Variants in NAV2 observed in about 807,000 individuals in gnomAD.
The protein encoded by NAV2 is helicase, APC down-regulated 1.
In NAV2, 54 loss-of-function variants were observed where a neutral mutation model predicts 223.2. The observed-to-expected ratio is 0.24, with a 90% confidence interval of 0.19 to 0.30. The LOEUF (loss-of-function observed/expected upper bound fraction) is 0.30. NAV2 is among the 10% of genes least tolerant of loss of function. NAV2 has a pLI of 1.00. For synonymous variants in NAV2, 1,279 were observed against 1,239.3 expected (o/e 1.03, Z -0.67); for missense variants, 2,806 against 3,147.5 (o/e 0.89, Z 2.60).
At chr11:19,772,399 C>T (rs2055785546) in intron 1 of NAV2, among the ~76,000 whole-genome samples, 1 of 152,238 alleles carries the variant, frequency 6.6e-6, no homozygotes, top group Non-Finnish European at 1.5e-5. Flanking sequence ...CACTCTCCAT[C>T]TCTGAGCCTT....
intron 11 of NAV2, among the ~76,000 whole-genome samples, chr11:20,002,212 A>G (rs1364883025): frequency 1.3e-5 from 2 of 152,090 alleles, no homozygotes; most frequent in African/African-American, 4.8e-5. Context: ...TCTAAACACT[A>G]TCGCATTGGG....
intron 1 of NAV2, among the ~76,000 whole-genome samples, chr11:19,508,134 C>T (rs1316275989): frequency 2.6e-5 from 4 of 152,094 alleles, no homozygotes; most frequent in Non-Finnish European, 4.4e-5. Context: ...TTAATAAGCA[C>T]ATGCTGATGG....
chr11:19,876,892 T>G (rs909208798), intron 4 of NAV2, among the ~76,000 whole-genome samples: 5 of 149,392 alleles, frequency 3.3e-5, no homozygotes, highest in African/African-American at 9.8e-5. Context: ...ATTTTACTTA[T>G]TTATTTATTT....
At chr11:19,345,909 C>A (rs538371880), upstream of NAV2, among the ~76,000 whole-genome samples, 1 of 152,158 alleles carries the variant, frequency 6.6e-6, no homozygotes, top group Admixed American at 6.5e-5. This position sits in a 1 kb window ranked among gnomAD's most constrained non-coding sequence, Gnocchi z 5.2. Context: ...TGTATCCCCG[C>A]GTCTGGGTCC....
rs1040367562 is a variant in NAV2 at position 19,743,801 on chromosome 11, G to A, written c.267+29839G>A. 2.6e-5 allele frequency among the ~76,000 whole-genome samples: 4 copies of A among 152,242 alleles called. No homozygotes were observed. In the East Asian group the frequency reaches 5.8e-4, roughly 22 times the overall value. On this transcript the variant is annotated intron_variant, in intron 1 of 37. Transcript: ENST00000349880. ...CATCCCGGCAGCTTCTCACTGTCCT[G>A]CCCAGGCAGCTGTCTGGACTGGTCC...
chr11:19,988,302 G>T (rs1591550694), intron 11 of NAV2, among the ~76,000 whole-genome samples: 1 of 152,302 alleles, frequency 6.6e-6, no homozygotes, highest in East Asian at 1.9e-4. Flanking sequence ...ATCAGGCTTG[G>T]TGTGACATTA....
intron 11 of NAV2, chr11:20,027,255 A>C (rs2055182979): frequency 1.0e-6 from 1 of 984,846 alleles, no homozygotes; most frequent in African/African-American, 1.7e-5. Context: ...CTAAGCCTAC[A>C]GTTAGGCTTG....
chr11:19,508,856 G>A (rs1192066312), intron 1 of NAV2, among the ~76,000 whole-genome samples: 1 of 152,146 alleles, frequency 6.6e-6, no homozygotes, highest in Non-Finnish European at 1.5e-5. Context: ...CTGCCCTGGG[G>A]GAAAAGCTTA....
chr11:20,071,665 T>A (rs977312435), intron 22 of NAV2, among the ~76,000 whole-genome samples: 3 of 147,942 alleles, frequency 2.0e-5, no homozygotes, highest in Admixed American at 2.0e-4. Context: ...CTAACTGACA[T>A]GAGATGGTAT....
intron 1 of NAV2, among the ~76,000 whole-genome samples, chr11:19,532,573 C>T (rs148656142): frequency 5.3e-5 from 8 of 152,232 alleles, no homozygotes; most frequent in Admixed American, 3.3e-4. Flanking sequence ...TCATCATAAA[C>T]GGCCATGTAT....
At chr11:19,404,565 G>A (rs1015021393) in intron 1 of NAV2, among the ~76,000 whole-genome samples, 37 of 107,560 alleles carry the variant, frequency 3.4e-4, no homozygotes, top group African/African-American at 1.1e-3. Flanking sequence ...TTTAACCCTA[G>A]GTTCTGAATA....
intron 1 of NAV2, among the ~76,000 whole-genome samples, chr11:19,446,293 G>A (rs1383635881): frequency 6.6e-6 from 1 of 152,092 alleles, no homozygotes; most frequent in African/African-American, 2.4e-5. Context: ...GAGAATCATA[G>A]CTATGGGTTC....
At chr11:20,024,364 T>C (rs1186038404) in intron 11 of NAV2, among the ~76,000 whole-genome samples, 1 of 152,166 alleles carries the variant, frequency 6.6e-6, no homozygotes, top group Non-Finnish European at 1.5e-5. Context: ...TCAGGAAGAC[T>C]TGATCCCAAG....
chr11:19,576,150 A>T (rs995049371), intron 1 of NAV2, among the ~76,000 whole-genome samples: 20 of 152,136 alleles, frequency 1.3e-4, no homozygotes, highest in African/African-American at 4.3e-4. Flanking sequence ...CTCTGTCTAC[A>T]CTCTCCATTC....
At chr11:20,078,372 A>G (rs2059890567) in intron 24 of NAV2, among the ~76,000 whole-genome samples, 1 of 152,260 alleles carries the variant, frequency 6.6e-6, no homozygotes, top group Non-Finnish European at 1.5e-5. Flanking sequence ...AAAGTATTTT[A>G]CAACCCTTAA....
chr11:20,014,399 TAATAA>T (rs2053833557), intron 11 of NAV2, among the ~76,000 whole-genome samples: 1 of 152,192 alleles, frequency 6.6e-6, no homozygotes, highest in African/African-American at 2.4e-5. Flanking sequence ...ACAGCACCCT[TAATAA>T]AATATAGATC....
At chr11:19,427,057 A>T (rs1303026087) in intron 1 of NAV2, among the ~76,000 whole-genome samples, 1 of 151,940 alleles carries the variant, frequency 6.6e-6, no homozygotes, top group Non-Finnish European at 1.5e-5. Context: ...GCTGACCGGG[A>T]CACTCTTAGC....
chr11:19,527,732 G>T (rs1315920193), intron 1 of NAV2, among the ~76,000 whole-genome samples: 1 of 151,254 alleles, frequency 6.6e-6, no homozygotes, highest in African/African-American at 2.4e-5. Flanking sequence ...CAAAGTATAT[G>T]ATGTCTTTTT....
At chr11:20,009,697 C>G (rs2053406399) in intron 11 of NAV2, among the ~76,000 whole-genome samples, 1 of 152,128 alleles carries the variant, frequency 6.6e-6, no homozygotes, top group Non-Finnish European at 1.5e-5. Context: ...ACTATGAGAT[C>G]TGGCTCCTGC....
Sources: allele counts gnomAD v4.1 joint callset (sites outside exome capture counted in the v4.1 genomes callset), GRCh38; gene constraint gnomAD v4.1.1; non-coding constraint Gnocchi (gnomAD v3.1); transcripts MANE v1.5; gene names NCBI Gene and HGNC (gene_info 2026-07-23, HGNC 2026-07-21).